PPP2R2D: variants seen among roughly 807,000 people sequenced by gnomAD.
The protein encoded by PPP2R2D is protein phosphatase 2 regulatory subunit Bdelta.
Under a neutral mutation model 31.1 loss-of-function variants are expected in PPP2R2D, and 9 were observed. That is an observed-to-expected ratio of 0.29 (90% confidence interval 0.17 to 0.51). The LOEUF is 0.51. PPP2R2D is among the 20% of genes least tolerant of loss of function. The probability of loss-of-function intolerance (pLI) is 0.98; values close to 1 mark genes in which losing one functional copy is unlikely to be tolerated. For missense variants in PPP2R2D, 391 were observed against 465.6 expected (o/e 0.84, Z 1.48); for synonymous variants, 179 against 172.6 (o/e 1.04, Z -0.29).
chr10:131,927,236 A>T (rs1183628164), intron 2 of PPP2R2D, among the ~76,000 whole-genome samples: 1 of 151,738 alleles, frequency 6.6e-6, no homozygotes, highest in Admixed American at 6.6e-5. Flanking sequence ...TTGAGGAGGG[A>T]GGAGCCGTGG....
chr10:131,962,820 C>T (rs151337878), downstream of PPP2R2D, among the ~76,000 whole-genome samples: 215 of 152,296 alleles, frequency 1.4e-3, 3 homozygotes, highest in South Asian at 0.01. Flanking sequence ...GCACTTCCGC[C>T]GATCAGAGGT....
rs2036823293 is a variant in PPP2R2D at position 131,957,491 on chromosome 10, G to C, written c.*1528G>C. 1 of 188,754 alleles carries C rather than the reference G, an allele frequency of 5.3e-6. No homozygotes were observed. Among genetic ancestry groups the C allele is most frequent in the South Asian group, 7.8e-5 (1 of 12,870 alleles). 11.7% of individuals were successfully genotyped at this position (188,754 alleles called of 1,614,324 possible). A position where few individuals can be genotyped will look rare whatever the true frequency, so the allele number is the denominator to read the frequency against. On this transcript the variant is annotated 3_prime_UTR_variant, in exon 9 of 9. Transcript: ENST00000455566. ...TCCTCATGCCCCTGTCTGGATGAAG[G>C]TGTGTGCTGATCCCCCGTCCCCCTG...
At chr10:131,942,208 A>C (rs1589953461) in intron 5 of PPP2R2D, among the ~76,000 whole-genome samples, 1 of 152,076 alleles carries the variant, frequency 6.6e-6, no homozygotes, top group Non-Finnish European at 1.5e-5. Context: ...TCCTGATCAG[A>C]CCCTGCCACA....
At position 131,901,223 on chromosome 10, in the gene PPP2R2D, C is replaced by T. The variant is rs2035487854; in HGVS notation, c.8-15C>T. On this transcript the variant is annotated splice_polypyrimidine_tract_variant and intron_variant, in intron 1 of 8. Transcript: ENST00000455566. ...GGGGGCCGCGGCCGGCCTGACCGCC[C>T]CGTTGTGTTTGCAGGAGCCGGAGGC... 5 of 348,874 alleles carry T rather than the reference C, an allele frequency of 1.4e-5. No homozygotes were observed. The highest frequency in any genetic ancestry group is 9.6e-5 in the Admixed American group (2 of 20,926). 21.6% of individuals were successfully genotyped at this position (348,874 alleles called of 1,614,324 possible). A position where few individuals can be genotyped will look rare whatever the true frequency, so the allele number is the denominator to read the frequency against.
At chr10:131,943,198 C>A (rs1369169073) in intron 5 of PPP2R2D, among the ~76,000 whole-genome samples, 2 of 152,150 alleles carry the variant, frequency 1.3e-5, no homozygotes, top group Non-Finnish European at 2.9e-5. Context: ...CCATAGGCGG[C>A]CTGCAGCCAG....
the PPP2R2D span, among the ~76,000 whole-genome samples, chr10:131,965,146 G>A: frequency 6.6e-6 from 1 of 152,196 alleles, no homozygotes; most frequent in Admixed American, 6.5e-5. Context: ...GTCAGCGAGG[G>A]CATCTCTCCT....
At position 131,919,481 on chromosome 10, in the gene PPP2R2D, A is replaced by T. The variant is rs1343774260; in HGVS notation, c.101-14977A>T. 2.6e-5 allele frequency among the ~76,000 whole-genome samples: 3 copies of T among 116,962 alleles called. 1 individual carries two copies. The highest frequency in any genetic ancestry group is 5.3e-5 in the Non-Finnish European group (3 of 56,588). The allele number at this position is 116,962 out of a possible 152,430, so 76.7% of individuals were successfully genotyped here. A position where few individuals can be genotyped will look rare whatever the true frequency, so the allele number is the denominator to read the frequency against. ...GTAGGGATCTCGCGTGGGTGGAATG[A>T]CACAGTGTTTGTACGGACCTCAGGT... On this transcript the variant is annotated intron_variant, in intron 2 of 8. Coordinates refer to ENST00000455566, the MANE Select transcript of PPP2R2D (RefSeq NM_018461.5).
downstream of PPP2R2D, among the ~76,000 whole-genome samples, chr10:131,962,345 TTCAC>T (rs2036937192): frequency 6.6e-6 from 1 of 152,198 alleles, no homozygotes; most frequent in African/African-American, 2.4e-5. Flanking sequence ...CGCGGTCACC[TTCAC>T]TCACTCACCA....
At chr10:131,960,237 G>C (rs868990054), downstream of PPP2R2D, among the ~76,000 whole-genome samples, 1 of 152,222 alleles carries the variant, frequency 6.6e-6, no homozygotes, top group Non-Finnish European at 1.5e-5. Context: ...CAACAGGTGC[G>C]GAGAAAACTT....
At chr10:131,927,395 A>AGGGCGGGTGCGCGGGTC (rs1426312906) in intron 2 of PPP2R2D, among the ~76,000 whole-genome samples, 3 of 152,124 alleles carry the variant, frequency 2.0e-5, no homozygotes, top group African/African-American at 7.2e-5. Context: ...GCCTTCAGAG[A>AGGGCGGGTGCGCGGGTC]GGGCGGGTGC....
rs1053759040 is a variant in PPP2R2D at position 131,902,293 on chromosome 10, A to G, written c.100+963A>G. On this transcript the variant is annotated intron_variant, in intron 2 of 8. Coordinates refer to ENST00000455566, the MANE Select transcript of PPP2R2D (RefSeq NM_018461.5). ...AATGATTGGTGTTTGCACCAAATAC[A>G]CCTTCCCTGCCTCAAGTTACTAAAA... 2.6e-4 allele frequency among the ~76,000 whole-genome samples: 39 copies of G among 152,266 alleles called. No individual in the cohort carries two copies. The East Asian group carries it at 6.8e-3, about 26-fold the overall frequency.
chr10:131,963,980 G>A (rs1394276894), downstream of PPP2R2D, among the ~76,000 whole-genome samples: 1 of 152,182 alleles, frequency 6.6e-6, no homozygotes, highest in African/African-American at 2.4e-5. Flanking sequence ...GTATTTCGTT[G>A]TCTCCCTGCC....
At chr10:131,942,927 C>G (rs1260011951) in intron 5 of PPP2R2D, among the ~76,000 whole-genome samples, 1 of 152,178 alleles carries the variant, frequency 6.6e-6, no homozygotes, top group Non-Finnish European at 1.5e-5. Flanking sequence ...AGGGAAGCCT[C>G]CCTACACACA....
At chr10:131,951,478 G>GTT (rs1410254372) in intron 8 of PPP2R2D, among the ~76,000 whole-genome samples, 1 of 152,346 alleles carries the variant, frequency 6.6e-6, no homozygotes, top group African/African-American at 2.4e-5. Context: ...TGCGTACGGT[G>GTT]CAATGACATA....
chr10:131,962,841 C>T (rs1554901669), downstream of PPP2R2D, among the ~76,000 whole-genome samples: 2 of 152,212 alleles, frequency 1.3e-5, no homozygotes, highest in African/African-American at 4.8e-5. Context: ...CCAGATAGAG[C>T]TCCGTCTGCT....
At chr10:131,964,958 C>T in the PPP2R2D span, among the ~76,000 whole-genome samples, 1 of 152,144 alleles carries the variant, frequency 6.6e-6, no homozygotes, top group Non-Finnish European at 1.5e-5. Context: ...GGTAACCAAT[C>T]TCATTTAATT....
intron 3 of PPP2R2D, among the ~76,000 whole-genome samples, chr10:131,937,897 G>A (rs141745201): frequency 3.9e-5 from 6 of 152,254 alleles, no homozygotes; most frequent in South Asian, 2.1e-4. Flanking sequence ...CATCTGCCCC[G>A]TGCAGCACAC....
intron 2 of PPP2R2D, among the ~76,000 whole-genome samples, chr10:131,930,037 C>G (rs1348645798): frequency 3.3e-5 from 5 of 152,100 alleles, no homozygotes; most frequent in African/African-American, 9.7e-5. Flanking sequence ...ACGTGTATCC[C>G]CACTCCCCAC....
At chr10:131,962,027 C>T (rs1392992415), downstream of PPP2R2D, among the ~76,000 whole-genome samples, 9 of 152,226 alleles carry the variant, frequency 5.9e-5, no homozygotes, top group African/African-American at 2.2e-4. Flanking sequence ...CGGCACTGCC[C>T]TCCGGGGAGC....
Sources: gnomAD v4.1 joint callset for allele counts (sites outside exome capture counted in the v4.1 genomes callset) on GRCh38, gnomAD v4.1.1 for gene constraint, MANE v1.5 for transcripts, NCBI Gene and HGNC (gene_info 2026-07-23, HGNC 2026-07-21) for gene names.